Variants in RFX7 observed in about 807,000 individuals in gnomAD.
The protein encoded by RFX7 is DNA-binding protein RFX7.
RFX7 carries 26 observed loss-of-function variants against 111.8 expected under a neutral mutation model. That is an observed-to-expected ratio of 0.23 (90% CI 0.17 to 0.32). The LOEUF (loss-of-function observed/expected upper bound fraction) is 0.32, where lower values mean the gene tolerates loss of function less well. Among genes scored for constraint, RFX7 ranks in the 10% least tolerant of loss-of-function variants. RFX7 has a pLI of 1.00. For synonymous variants in RFX7, 624 were observed against 624.4 expected (o/e 1.00, Z 0.01); for missense variants, 1,573 against 1,772.9 (o/e 0.89, Z 2.02).
At chr15:56,203,430 C>G (rs1327989189) in intron 2 of RFX7, among the ~76,000 whole-genome samples, 1 of 152,002 alleles carries the variant, frequency 6.6e-6, no homozygotes, top group Non-Finnish European at 1.5e-5. Context: ...GATTAAGTTC[C>G]CCTATCCTTA....
At chr15:56,113,420 G>A (rs1308695342) in intron 5 of RFX7, among the ~76,000 whole-genome samples, 2 of 152,156 alleles carry the variant, frequency 1.3e-5, no homozygotes, top group Non-Finnish European at 2.9e-5. Flanking sequence ...AACACTGCAT[G>A]TTCTTACTCG....
At chr15:56,137,219 A>C (rs1398348183) in intron 5 of RFX7, among the ~76,000 whole-genome samples, 22 of 152,198 alleles carry the variant, frequency 1.4e-4, no homozygotes, top group African/African-American at 5.1e-4. Context: ...CCTCTGGTAG[A>C]ATTCGGCTGT....
Position 56,144,472 on chromosome 15 carries a change from C to G in RFX7, c.207G>C (p.Glu69Asp). ...AGAGTTTCTCTAGGTCTGTAAACTTCTCAACTTCTTGCTATTTACAAAGGA... is the reference window on the plus strand; with the variant it reads ...AGAGTTTCTCTAGGTCTGTAAACTTGTCAACTTCTTGCTATTTACAAAGGA... Reference protein sequence around the residue: ...SKVDCILQEVEKFTDLEKLYL... With the variant: ...SKVDCILQEVDKFTDLEKLYL... Residue 69 changes from glutamate (E) to aspartate (D), a missense_variant, in exon 4 of 10, where the codon GAG becomes GAC. By Grantham distance (45) the Glu-to-Asp change is conservative (BLOSUM62 2). This residue lies in a region of RFX7 where 191 missense variants were observed against 194.2 expected (regional missense o/e 0.98). Transcript: ENST00000559447. The G allele has an allele frequency of 7.3e-7, 1 of 1,363,516 alleles. No homozygotes were observed. The highest frequency in any genetic ancestry group is 2.1e-4 in the Middle Eastern group (1 of 4,762). 84.5% of individuals were successfully genotyped at this position (1,363,516 alleles called of 1,614,324 possible). A position where few individuals can be genotyped will look rare whatever the true frequency, so the allele number is the denominator to read the frequency against.
intron 5 of RFX7, among the ~76,000 whole-genome samples, chr15:56,106,494 ATTTC>A (rs1343041598): frequency 1.6e-4 from 25 of 152,324 alleles, no homozygotes; most frequent in African/African-American, 5.8e-4. Flanking sequence ...TAGGTTCTCA[ATTTC>A]TTTAATTTTG....
chr15:56,094,284 A>G lies in RFX7; in HGVS notation c.3444T>C (p.Pro1148=). The change falls in exon 10 of 10, where the codon CCT becomes CCC. Residue 1148 remains proline (P), a synonymous_variant. Transcript: ENST00000559447. ...NKQEGFAVPA[P]LDNKGTNSSA... is the part of the protein sequence containing the mutation. ...ATGAATTAGTTCCTTTATTATCAAG[A>G]GGGGCAGGGACTGCAAAACCCTCCT... 6.2e-7 allele frequency: 1 copy of G among 1,613,950 alleles called. No homozygotes were observed.
intron 2 of RFX7, among the ~76,000 whole-genome samples, chr15:56,217,125 T>C (rs936912834): frequency 6.6e-6 from 1 of 152,228 alleles, no homozygotes; most frequent in African/African-American, 2.4e-5. Flanking sequence ...TCTTTCTATA[T>C]AGACACATAT....
chr15:56,138,752 A>G (rs1414767610), intron 5 of RFX7, among the ~76,000 whole-genome samples: 3 of 152,048 alleles, frequency 2.0e-5, no homozygotes, highest in Non-Finnish European at 4.4e-5. Flanking sequence ...AGCAGCTGGT[A>G]CTGGTTTTTC....
intron 3 of RFX7, among the ~76,000 whole-genome samples, chr15:56,146,522 A>C (rs2042475460): frequency 6.6e-6 from 1 of 152,174 alleles, no homozygotes; most frequent in African/African-American, 2.4e-5. Flanking sequence ...ATCATTTTTG[A>C]TCATAAAGAA....
intron 2 of RFX7, among the ~76,000 whole-genome samples, chr15:56,197,748 T>C (rs946821905): frequency 6.6e-6 from 1 of 152,120 alleles, no homozygotes; most frequent in Non-Finnish European, 1.5e-5. Context: ...TGGTCTTTGA[T>C]ACAAACTATA....
chr15:56,206,187 T>C (rs1282135832), intron 2 of RFX7, among the ~76,000 whole-genome samples: 1 of 152,162 alleles, frequency 6.6e-6, no homozygotes, highest in Non-Finnish European at 1.5e-5. Flanking sequence ...GCAATGCATG[T>C]GTCTATTGAT....
chr15:56,127,737 G>A (rs1400011975), intron 5 of RFX7, among the ~76,000 whole-genome samples: 1 of 151,518 alleles, frequency 6.6e-6, no homozygotes, highest in Admixed American at 6.6e-5. Flanking sequence ...CAGTAGAGAC[G>A]GGGTTTCACC....
At chr15:56,103,976 C>T (rs547848183) in intron 5 of RFX7, among the ~76,000 whole-genome samples, 1 of 152,316 alleles carries the variant, frequency 6.6e-6, no homozygotes, top group African/African-American at 2.4e-5. Flanking sequence ...ATATATCCAG[C>T]TCAGCCAGTA....
At chr15:56,236,174 C>G (rs2043621259) in intron 2 of RFX7, among the ~76,000 whole-genome samples, 1 of 152,126 alleles carries the variant, frequency 6.6e-6, no homozygotes, top group Non-Finnish European at 1.5e-5. Flanking sequence ...CCTCATGTTT[C>G]TATTTTGTCT....
intron 5 of RFX7, among the ~76,000 whole-genome samples, chr15:56,107,802 C>T (rs551582689): frequency 6.6e-5 from 10 of 151,958 alleles, no homozygotes; most frequent in South Asian, 2.1e-4. Context: ...ATGATGCAGG[C>T]GATATCGCCA....
chr15:56,103,304 C>T (rs1001506917), intron 6 of RFX7, among the ~76,000 whole-genome samples: 1 of 152,084 alleles, frequency 6.6e-6, no homozygotes, highest in Non-Finnish European at 1.5e-5. Context: ...ATTAATAACA[C>T]TTTACATTGA....
intron 6 of RFX7, among the ~76,000 whole-genome samples, chr15:56,102,801 A>G (rs1163891957): frequency 6.6e-6 from 1 of 152,236 alleles, no homozygotes; most frequent in African/African-American, 2.4e-5. Context: ...ACCTGGAACC[A>G]TTTTAGAAAA....
At chr15:56,221,243 C>T (rs1350860150) in intron 2 of RFX7, among the ~76,000 whole-genome samples, 1 of 152,154 alleles carries the variant, frequency 6.6e-6, no homozygotes, top group African/African-American at 2.4e-5. Flanking sequence ...ATACAAATAG[C>T]ACTGAATCTG....
chr15:56,201,815 G>C (rs1462894233), intron 2 of RFX7, among the ~76,000 whole-genome samples: 1 of 152,274 alleles, frequency 6.6e-6, no homozygotes, highest in African/African-American at 2.4e-5. Context: ...CAGATCACGA[G>C]GTCAGGAGAT....
At position 56,101,549 on chromosome 15, in the gene RFX7, A is replaced by T; in HGVS notation, c.621T>A (p.Pro207=). 6.2e-7 allele frequency: 1 copy of T among 1,613,752 alleles called. No individual in the cohort carries two copies. The highest frequency in any genetic ancestry group is 8.5e-7 in the Non-Finnish European group (1 of 1,179,726). ...KTGDGLEGAE[P]SGQLQNIDEE... ...CATCAATATTTTGAAGCTGCCCAGAAGGTTCAGCTCCTTCCAACTAGGCAA... is the reference window on the plus strand; with the variant it reads ...CATCAATATTTTGAAGCTGCCCAGATGGTTCAGCTCCTTCCAACTAGGCAA... Residue 207 remains proline (P), a synonymous_variant, in exon 8 of 10, where the codon CCT becomes CCA. Transcript: ENST00000559447.
Sources: allele counts gnomAD v4.1 joint callset (sites outside exome capture counted in the v4.1 genomes callset), GRCh38; gene constraint gnomAD v4.1.1; regional missense constraint gnomAD v4.1.1; transcripts MANE v1.5; gene names NCBI Gene and HGNC (gene_info 2026-07-23, HGNC 2026-07-21).